Variants in SLC35F1 observed in about 807,000 individuals in gnomAD.
SLC35F1 encodes chromosome 6 open reading frame 169.
In SLC35F1, 14 loss-of-function variants were observed where a neutral mutation model predicts 48.7. The ratio of observed to expected loss-of-function variants is 0.29; its 90% CI spans 0.19 to 0.45. The LOEUF is 0.45. Among genes scored for constraint, SLC35F1 ranks in the 20% least tolerant of loss-of-function variants. SLC35F1 has a pLI of 1.00. For synonymous variants in SLC35F1, 190 were observed against 202.2 expected, an observed-to-expected ratio of 0.94 and a Z score of 0.51; for missense variants, 404 against 500.0, an observed-to-expected ratio of 0.81 and a Z score of 1.83.
chr6:117,944,134 CTTG>C (rs1194077655), intron 1 of SLC35F1, among the ~76,000 whole-genome samples: 1 of 152,148 alleles, frequency 6.6e-6, no homozygotes, highest in East Asian at 1.9e-4. Flanking sequence ...ATTTGATACT[CTTG>C]TTGTCCTATA....
At chr6:117,911,275 A>G (rs1358435094) in intron 1 of SLC35F1, among the ~76,000 whole-genome samples, 1 of 152,232 alleles carries the variant, frequency 6.6e-6, no homozygotes, top group Non-Finnish European at 1.5e-5. Flanking sequence ...AAACATGACA[A>G]TTTAAATGCT....
At chr6:117,924,478 GTATATACGTATATA>G (rs1775997307) in intron 1 of SLC35F1, among the ~76,000 whole-genome samples, 3 of 17,574 alleles carry the variant, frequency 1.7e-4, no homozygotes, top group Non-Finnish European at 6.0e-4. Context: ...ATATACATAT[GTATATACGTATATA>G]CATATGTATA....
intron 1 of SLC35F1, among the ~76,000 whole-genome samples, chr6:117,966,140 C>T (rs907166870): frequency 7.8e-6 from 1 of 128,098 alleles, no homozygotes; most frequent in African/African-American, 2.9e-5. Flanking sequence ...CGCCCCCCCC[C>T]CCACTCCCGC....
intron 1 of SLC35F1, among the ~76,000 whole-genome samples, chr6:118,035,784 G>T (rs1354189629): frequency 7.2e-6 from 1 of 138,280 alleles, no homozygotes; most frequent in Non-Finnish European, 1.5e-5. Context: ...CCACCTCCCA[G>T]GTTCATGCCA....
chr6:117,921,084 ACACAC>A, intron 1 of SLC35F1, among the ~76,000 whole-genome samples: 1 of 127,172 alleles, frequency 7.9e-6, no homozygotes, highest in East Asian at 2.3e-4. Flanking sequence ...ACACACACAC[ACACAC>A]ACTTACTTAG....
At chr6:118,012,017 A>T (rs1450459784) in intron 1 of SLC35F1, among the ~76,000 whole-genome samples, 1 of 152,216 alleles carries the variant, frequency 6.6e-6, no homozygotes, top group Non-Finnish European at 1.5e-5. Context: ...AAATGATATT[A>T]ATATTTGTAA....
At chr6:117,941,974 AC>A (rs1776239064) in intron 1 of SLC35F1, among the ~76,000 whole-genome samples, 1 of 152,222 alleles carries the variant, frequency 6.6e-6, no homozygotes, top group Admixed American at 6.5e-5. Flanking sequence ...ATATTTGAAT[AC>A]ATCTGTGTGC....
intron 1 of SLC35F1, among the ~76,000 whole-genome samples, chr6:117,967,821 A>C (rs1223514926): frequency 6.6e-6 from 1 of 152,188 alleles, no homozygotes; most frequent in Non-Finnish European, 1.5e-5. Flanking sequence ...TGGGGGAGCC[A>C]TTTCAATCCA....
At chr6:118,057,537 G>GA (rs60610908) in intron 1 of SLC35F1, among the ~76,000 whole-genome samples, 27,325 of 151,662 alleles carry the variant, frequency 0.18, 2,670 homozygotes, top group Admixed American at 0.28. Context: ...ATAGTAAGAA[G>GA]AAAAAAAAAT....
At chr6:118,149,821 T>C (rs533164438) in intron 1 of SLC35F1, among the ~76,000 whole-genome samples, 100 of 152,318 alleles carry the variant, frequency 6.6e-4, no homozygotes, top group African/African-American at 2.3e-3. Context: ...TGACCTCTTG[T>C]TGAAAGGCAC....
intron 1 of SLC35F1, among the ~76,000 whole-genome samples, chr6:118,059,375 T>C (rs1772505614): frequency 6.6e-6 from 1 of 152,214 alleles, no homozygotes; most frequent in Non-Finnish European, 1.5e-5. Flanking sequence ...TAAATTGTCA[T>C]AAAATGCTAC....
chr6:118,071,976 C>T (rs191603465), intron 1 of SLC35F1, among the ~76,000 whole-genome samples: 11 of 152,186 alleles, frequency 7.2e-5, no homozygotes, highest in South Asian at 4.2e-4. Context: ...CCTTTAGCTC[C>T]GGAATATTTT....
chr6:118,061,347 GTACAACC>G (rs1772533443), intron 1 of SLC35F1, among the ~76,000 whole-genome samples: 1 of 152,098 alleles, frequency 6.6e-6, no homozygotes, highest in South Asian at 2.1e-4. Context: ...GAAATAGATG[GTACAACC>G]TATTTGGCCC....
intron 1 of SLC35F1, among the ~76,000 whole-genome samples, chr6:118,047,531 A>G (rs1245524698): frequency 6.6e-6 from 1 of 152,192 alleles, no homozygotes; most frequent in Non-Finnish European, 1.5e-5. Flanking sequence ...CAAACTTCTT[A>G]AAACATTTCT....
intron 4 of SLC35F1, among the ~76,000 whole-genome samples, chr6:118,269,933 C>T (rs1299027304): frequency 2.6e-5 from 4 of 152,040 alleles, no homozygotes; most frequent in East Asian, 3.9e-4. Flanking sequence ...GAGGCTGAGG[C>T]GGGAGGATCG....
At position 118,070,991 on chromosome 6, in the gene SLC35F1, C is replaced by CGTGTGTGTGT. The variant is rs375445061; in HGVS notation, c.174-83446_174-83445insGTGTGTGTGT. Among the ~76,000 whole-genome samples the CGTGTGTGTGT allele has an allele frequency of 2.3e-3, 17 of 7,300 alleles. 1 individual carries two copies. Among genetic ancestry groups the CGTGTGTGTGT allele is most frequent in the African/African-American group, 7.8e-3 (17 of 2,174 alleles). 4.8% of individuals were successfully genotyped at this position (7,300 alleles called of 152,430 possible). A position where few individuals can be genotyped will look rare whatever the true frequency, so the allele number is the denominator to read the frequency against. On this transcript the variant is annotated intron_variant, in intron 1 of 7. Coordinates refer to ENST00000360388, the MANE Select transcript of SLC35F1 (RefSeq NM_001029858.4). Reference sequence around the variant, plus strand: ...ATATACACATAGTATATATATTCTACGTGTGTGTATATATATACACGTAGT... The same window carrying CGTGTGTGTGT: ...ATATACACATAGTATATATATTCTACGTGTGTGTGTGTGTGTGTATATATATACACGTAGT...
chr6:117,911,329 C>G (rs2114793373), intron 1 of SLC35F1, among the ~76,000 whole-genome samples: 1 of 152,172 alleles, frequency 6.6e-6, no homozygotes, highest in South Asian at 2.1e-4. Context: ...GTGAACCAAT[C>G]AATATATTGA....
intron 1 of SLC35F1, among the ~76,000 whole-genome samples, chr6:118,075,241 A>G (rs577348785): frequency 6.6e-6 from 1 of 152,314 alleles, no homozygotes; most frequent in African/African-American, 2.4e-5. Flanking sequence ...CTCACTTTTA[A>G]TTATACTTTG....
At chr6:118,099,669 C>T (rs930855622) in intron 1 of SLC35F1, among the ~76,000 whole-genome samples, 6 of 152,090 alleles carry the variant, frequency 3.9e-5, no homozygotes, top group Admixed American at 6.6e-5. Flanking sequence ...AAAAATAGCC[C>T]GGTGGCCAAG....
Sources: allele counts gnomAD v4.1 joint callset (sites outside exome capture counted in the v4.1 genomes callset), GRCh38; gene constraint gnomAD v4.1.1; transcripts MANE v1.5; gene names NCBI Gene and HGNC (gene_info 2026-07-23, HGNC 2026-07-21).